The following OSBPL1A variants were observed in gnomAD, a reference collection of about 807,000 sequenced individuals.
OSBPL1A encodes the protein oxysterol-binding protein-related protein 1.
OSBPL1A carries 80 observed loss-of-function variants against 137.1 expected under a neutral mutation model. The observed-to-expected ratio is 0.58, with a 90% CI of 0.49 to 0.70. The LOEUF (loss-of-function observed/expected upper bound fraction) is 0.70, where lower values mean the gene tolerates loss of function less well. Among genes scored for constraint, OSBPL1A ranks in the 30% least tolerant of loss-of-function variants. OSBPL1A has a pLI of 0.00. For missense variants in OSBPL1A, 970 were observed against 1,129.4 expected, an observed-to-expected ratio of 0.86 and a Z score of 2.02; for synonymous variants, 365 against 389.7, an observed-to-expected ratio of 0.94 and a Z score of 0.75.
At chr18:24,277,445 G>A (rs936542023) in intron 15 of OSBPL1A, among the ~76,000 whole-genome samples, 1 of 152,200 alleles carries the variant, frequency 6.6e-6, no homozygotes, top group African/African-American at 2.4e-5. Context: ...CTGGATCCCT[G>A]TTTCGTGCCA....
At chr18:24,352,514 C>G (rs1395465465) in intron 4 of OSBPL1A, among the ~76,000 whole-genome samples, 2 of 152,208 alleles carry the variant, frequency 1.3e-5, no homozygotes, top group South Asian at 4.2e-4. Context: ...AGATTCAATG[C>G]CATCCCCATC....
intron 7 of OSBPL1A, among the ~76,000 whole-genome samples, chr18:24,327,172 A>G (rs181753485): frequency 2.4e-3 from 359 of 150,492 alleles, no homozygotes; most frequent in Non-Finnish European, 4.0e-3. Flanking sequence ...CAGTGGCCCA[A>G]TCTTGGCTCA....
At chr18:24,185,805 C>T (rs569794971) in intron 18 of OSBPL1A, among the ~76,000 whole-genome samples, 1 of 152,164 alleles carries the variant, frequency 6.6e-6, no homozygotes, top group South Asian at 2.1e-4. Context: ...AGCATGGTGG[C>T]TCACATGTGT....
intron 15 of OSBPL1A, among the ~76,000 whole-genome samples, chr18:24,269,884 A>ACACACACC (rs1243365419): frequency 1.3e-5 from 2 of 151,198 alleles, no homozygotes; most frequent in South Asian, 2.1e-4. Context: ...ACACACACAC[A>ACACACACC]CCATGCTAAT....
chr18:24,331,618 G>A (rs1055724655), intron 7 of OSBPL1A, among the ~76,000 whole-genome samples: 3 of 149,494 alleles, frequency 2.0e-5, no homozygotes, highest in South Asian at 2.1e-4. Context: ...GGATGGTCTC[G>A]ATCTCCTGAC....
In OSBPL1A at chr18:24,363,639, CCTTT is replaced by C. The variant is rs796280741; in HGVS notation, c.282+3249_282+3252del. On this transcript the variant is annotated intron_variant, in intron 4 of 27. Transcript: ENST00000319481. ...TTCTTTTCTTTTCCCTTCCTTCCTT[CCTTT>C]CTATCTTTCTTTCTTTCTTATAGGG... is the stretch of plus-strand genomic sequence containing the variant. Among the ~76,000 whole-genome samples the C allele has an allele frequency of 7.9e-5, 12 of 151,088 alleles. 1 individual carries two copies. In the South Asian group the frequency reaches 8.4e-4, roughly 11 times the overall value.
chr18:24,357,009 G>A (rs1599709580), intron 4 of OSBPL1A: 1 of 152,298 alleles, frequency 6.6e-6, no homozygotes, highest in Admixed American at 6.5e-5. Context: ...GGATTCACAT[G>A]GACAAGAGTA....
At chr18:24,209,582 C>G (rs1372722242) in intron 17 of OSBPL1A, among the ~76,000 whole-genome samples, 3 of 152,174 alleles carry the variant, frequency 2.0e-5, no homozygotes, top group Admixed American at 2.0e-4. Flanking sequence ...TCTAGAAGAA[C>G]ATTTATAAAA....
In OSBPL1A at chr18:24,324,154, G is replaced by A. The variant is rs1476316676; in HGVS notation, c.626-5345C>T. On this transcript the variant is annotated intron_variant, in intron 7 of 27. Transcript: ENST00000319481. Reference sequence around the variant, plus strand: ...AGAGAACTGCTTGAACCCGGGAGGCGGAGGTTGCAGTGAGCTGAGATCACG... The same window carrying A: ...AGAGAACTGCTTGAACCCGGGAGGCAGAGGTTGCAGTGAGCTGAGATCACG... Among the ~76,000 whole-genome samples the A allele has an allele frequency of 4.2e-5, 3 of 71,636 alleles. 1 individual carries two copies. The highest frequency in any genetic ancestry group is 7.8e-5 in the African/African-American group (1 of 12,876). 47.0% of individuals were successfully genotyped at this position (71,636 alleles called of 152,430 possible).
chr18:24,364,436 C>T (rs529898429), intron 4 of OSBPL1A, among the ~76,000 whole-genome samples: 3 of 152,246 alleles, frequency 2.0e-5, no homozygotes, highest in African/African-American at 7.2e-5. Context: ...CACTAGGCTA[C>T]ACAGATGCAG....
chr18:24,170,089 AGCTCCACATATAACT>A (rs1355559067), intron 24 of OSBPL1A, among the ~76,000 whole-genome samples: 2 of 152,250 alleles, frequency 1.3e-5, no homozygotes, highest in African/African-American at 4.8e-5. Context: ...ATTAAAGCAA[AGCTCCACATATAACT>A]GCTCCACAGT....
chr18:24,220,528 A>C (rs1599514902), intron 17 of OSBPL1A, among the ~76,000 whole-genome samples: 1 of 152,162 alleles, frequency 6.6e-6, no homozygotes, highest in Non-Finnish European at 1.5e-5. Context: ...TCCAGCCCCC[A>C]GCCCTCACCA....
chr18:24,171,397 G>A lies in OSBPL1A; in HGVS notation c.2291+12C>T. 6.3e-7 allele frequency: 1 copy of A among 1,586,384 alleles called. No homozygotes were observed. Among genetic ancestry groups the A allele is most frequent in the Non-Finnish European group, 8.6e-7 (1 of 1,161,086 alleles). On this transcript the variant is annotated intron_variant, in intron 23 of 27. Coordinates refer to ENST00000319481, the MANE Select transcript of OSBPL1A (RefSeq NM_080597.4). ...AATCTATACTATTCAACATTTAAAA[G>A]AGAAATTTTACCTTTTATCTTGAAT... is the stretch of plus-strand genomic sequence containing the variant.
At chr18:24,337,605 G>A (rs908905822) in intron 5 of OSBPL1A, among the ~76,000 whole-genome samples, 9 of 150,286 alleles carry the variant, frequency 6.0e-5, no homozygotes, top group Non-Finnish European at 1.3e-4. Flanking sequence ...ATCAAGAACA[G>A]GGCTGAGGAA....
rs545196784 is a variant in OSBPL1A, at chr18:24,361,548, A to G, written c.282+5344T>C. Reference sequence around the variant, plus strand: ...TCTCACGTTCAAAGTTCAAGAAAATAGCAGAAATGGCCAAATATGTAAAGA... The same window carrying G: ...TCTCACGTTCAAAGTTCAAGAAAATGGCAGAAATGGCCAAATATGTAAAGA... On this transcript the variant is annotated intron_variant, in intron 4 of 27. Coordinates refer to ENST00000319481, the MANE Select transcript of OSBPL1A (RefSeq NM_080597.4). Among the ~76,000 whole-genome samples the G allele has an allele frequency of 5.9e-5, 9 of 152,356 alleles. No individual in the cohort carries two copies. In the South Asian group the frequency reaches 1.9e-3, roughly 32 times the overall value.
intron 18 of OSBPL1A, among the ~76,000 whole-genome samples, chr18:24,190,870 G>T (rs1049997661): frequency 6.6e-6 from 1 of 152,238 alleles, no homozygotes; most frequent in Non-Finnish European, 1.5e-5. Context: ...CTGACCCAGT[G>T]ATATGTCTGG....
intron 17 of OSBPL1A, among the ~76,000 whole-genome samples, chr18:24,215,818 GA>G (rs2087680861): frequency 6.6e-6 from 1 of 152,218 alleles, no homozygotes; most frequent in African/African-American, 2.4e-5. Flanking sequence ...TACTGTGAAA[GA>G]TATTTCCTAG....
At chr18:24,205,780 C>T (rs6508252) in intron 17 of OSBPL1A, among the ~76,000 whole-genome samples, 139,342 of 152,312 alleles carry the variant, frequency 0.91, 64,822 homozygotes, top group Non-Finnish European at 1. Flanking sequence ...TTCATAACTA[C>T]ATTAAGGTTT....
At chr18:24,188,642 C>T (rs11665582) in intron 18 of OSBPL1A, among the ~76,000 whole-genome samples, 123,523 of 152,126 alleles carry the variant, frequency 0.81, 50,932 homozygotes, top group Non-Finnish European at 0.89. Flanking sequence ...AGAACCCAGA[C>T]TGCCATAAAA....
Sources: gnomAD v4.1 joint callset for allele counts (sites outside exome capture counted in the v4.1 genomes callset) on GRCh38, gnomAD v4.1.1 for gene constraint, MANE v1.5 for transcripts, NCBI Gene and HGNC (gene_info 2026-07-23, HGNC 2026-07-21) for gene names.